Variants in SPATA22 observed in about 807,000 individuals in gnomAD.
The protein encoded by SPATA22 is spermatogenesis-associated protein 22.
In SPATA22, 29 loss-of-function variants were observed where a neutral mutation model predicts 47.8. That is an observed-to-expected ratio of 0.61 (90% CI 0.45 to 0.83). SPATA22 has a LOEUF of 0.83. Among genes scored for constraint, SPATA22 ranks in the 40% least tolerant of loss-of-function variants. The probability of loss-of-function intolerance (pLI) is 0.00; values close to 1 mark genes in which losing one functional copy is unlikely to be tolerated. For synonymous variants in SPATA22, 133 were observed against 140.9 expected (o/e 0.94, Z 0.40); for missense variants, 410 against 421.7 (o/e 0.97, Z 0.24).
intron 3 of SPATA22, among the ~76,000 whole-genome samples, chr17:3,466,450 G>A (rs898549764): frequency 1.3e-5 from 2 of 152,060 alleles, no homozygotes; most frequent in African/African-American, 4.8e-5. Context: ...CAGGATTTCA[G>A]TGGCCTTACT....
At chr17:3,473,490 CTTTTG>C (rs1027564141), upstream of SPATA22, among the ~76,000 whole-genome samples, 13 of 152,158 alleles carry the variant, frequency 8.5e-5, no homozygotes, top group East Asian at 1.9e-4. Flanking sequence ...CTCTGCTCTC[CTTTTG>C]TTTTGTTTTG....
chr17:3,466,704 A>G (rs1448207639), intron 3 of SPATA22, among the ~76,000 whole-genome samples: 1 of 152,220 alleles, frequency 6.6e-6, no homozygotes, highest in African/African-American at 2.4e-5. Context: ...TGATAAATGT[A>G]TTTCTCAGTT....
rs1597432362 is a variant in SPATA22 at position 3,483,514 on chromosome 17, C to T, written c.-73-14116G>A. 3 of 1,613,974 alleles carry T rather than the reference C, an allele frequency of 1.9e-6. No individual in the cohort carries two copies. The highest frequency in any genetic ancestry group is 1.7e-5 in the Admixed American group (1 of 60,004). ...TTTTTTTCAGACTTCTCTGGCTCCA[C>T]TACCCTGCTACGTTTATCTGATTGA... On this transcript the variant is annotated intron_variant, in intron 1 of 8. Coordinates refer to the SPATA22 transcript ENST00000541913.
At chr17:3,498,827 T>G in intron 1 of SPATA22, 1 of 1,368,858 alleles carries the variant, frequency 7.3e-7, no homozygotes, top group Non-Finnish European at 9.7e-7. Context: ...GTCTAGAGTC[T>G]GACATAAATT....
chr17:3,458,877 A>AAAAAAAAAAAAAAAAAAAAAAC, intron 5 of SPATA22, among the ~76,000 whole-genome samples: 1 of 151,250 alleles, frequency 6.6e-6, no homozygotes, highest in Non-Finnish European at 1.5e-5. Flanking sequence ...AAAAAAAAAA[A>AAAAAAAAAAAAAAAAAAAAAAC]AAATTCCAAG....
At chr17:3,459,464 G>A (rs2073075852) in intron 5 of SPATA22, among the ~76,000 whole-genome samples, 1 of 152,056 alleles carries the variant, frequency 6.6e-6, no homozygotes, top group Admixed American at 6.6e-5. Context: ...GGAGTGCAGT[G>A]GCAGGATCTC....
chr17:3,464,012 G>A (rs2073204954), intron 3 of SPATA22, among the ~76,000 whole-genome samples: 3 of 124,020 alleles, frequency 2.4e-5, no homozygotes, highest in African/African-American at 5.7e-5. Context: ...CTGTTTCCAC[G>A]GTCTCCCTCT....
At chr17:3,483,089 C>T (rs2073661957) in intron 1 of SPATA22, among the ~76,000 whole-genome samples, 1 of 151,984 alleles carries the variant, frequency 6.6e-6, no homozygotes, top group South Asian at 2.1e-4. Context: ...GAGGGGGAAT[C>T]ACCCAACATC....
chr17:3,498,858 T>C (rs2073952780), intron 1 of SPATA22: 3 of 1,469,636 alleles, frequency 2.0e-6, no homozygotes, highest in Non-Finnish European at 2.7e-6. Flanking sequence ...AAAAACCAAA[T>C]ATAATATATT....
chr17:3,441,515 G>A (rs1043854579), intron 8 of SPATA22: 2 of 152,016 alleles, frequency 1.3e-5, no homozygotes, highest in Non-Finnish European at 1.5e-5. Context: ...CTAAGCGTTC[G>A]TAAGAATGCA....
At chr17:3,468,171 T>C (rs1363663904) in intron 2 of SPATA22, 2 of 152,218 alleles carry the variant, frequency 1.3e-5, no homozygotes, top group Admixed American at 6.5e-5. Context: ...TAAAGAGTAA[T>C]AATATCCAGT....
intron 1 of SPATA22, chr17:3,483,667 C>T: frequency 7.1e-7 from 1 of 1,414,314 alleles, no homozygotes; most frequent in South Asian, 1.2e-5. Flanking sequence ...TATTTTTTAT[C>T]TTATTTTATT....
chr17:3,472,670 T>C (rs2073461160), upstream of SPATA22, among the ~76,000 whole-genome samples: 1 of 152,232 alleles, frequency 6.6e-6, no homozygotes, highest in African/African-American at 2.4e-5. Flanking sequence ...GCTGTCTGAG[T>C]TCAAAGCCCA....
At chr17:3,446,991 G>A (rs1382162015) in intron 6 of SPATA22, among the ~76,000 whole-genome samples, 1 of 152,064 alleles carries the variant, frequency 6.6e-6, no homozygotes, top group African/African-American at 2.4e-5. Context: ...TTTCAAAAGT[G>A]TTTACTGAGC....
At chr17:3,444,455 T>C (rs965857261) in intron 7 of SPATA22, among the ~76,000 whole-genome samples, 1 of 152,052 alleles carries the variant, frequency 6.6e-6, no homozygotes, top group African/African-American at 2.4e-5. Context: ...AAGAAAAATC[T>C]AAGAATATGA....
intron 1 of SPATA22, among the ~76,000 whole-genome samples, chr17:3,497,032 C>A (rs2073921059): frequency 6.6e-6 from 1 of 152,174 alleles, no homozygotes; most frequent in Admixed American, 6.5e-5. Flanking sequence ...TGCCACTGCA[C>A]TCCAGCCTGG....
rs1014190351 is a variant in SPATA22 at position 3,443,388 on chromosome 17, T to A, written c.803-117A>T. Reference sequence around the variant, plus strand: ...TATCAACCTCTCATAGTGCTATTTATATAGCAATAAAGAAGACATTTTAAG... The same window carrying A: ...TATCAACCTCTCATAGTGCTATTTAAATAGCAATAAAGAAGACATTTTAAG... On this transcript the variant is annotated intron_variant, in intron 7 of 8. Coordinates refer to ENST00000572969, the MANE Select transcript of SPATA22 (RefSeq NM_001170698.2). The A allele has an allele frequency of 8.1e-6, 5 of 615,086 alleles. No homozygotes were observed. In the East Asian group the frequency reaches 9.4e-5, roughly 12 times the overall value. The allele number at this position is 615,086 out of a possible 1,614,324, so 38.1% of individuals were successfully genotyped here.
chr17:3,467,103 T>C (rs1747521042), intron 3 of SPATA22, among the ~76,000 whole-genome samples: 1 of 152,208 alleles, frequency 6.6e-6, no homozygotes, highest in Non-Finnish European at 1.5e-5. Context: ...GTTTCCATTC[T>C]TTACCACCAA....
At chr17:3,444,273 T>A (rs1299269612) in intron 7 of SPATA22, among the ~76,000 whole-genome samples, 1 of 152,058 alleles carries the variant, frequency 6.6e-6, no homozygotes, top group Non-Finnish European at 1.5e-5. Flanking sequence ...ATTATTTGGA[T>A]AGGATTTGTC....
Sources: allele counts gnomAD v4.1 joint callset (sites outside exome capture counted in the v4.1 genomes callset), GRCh38; gene constraint gnomAD v4.1.1; transcripts MANE v1.5; gene names NCBI Gene and HGNC (gene_info 2026-07-23, HGNC 2026-07-21).